Variants in ARHGAP15 observed in about 807,000 individuals in gnomAD.
ARHGAP15 encodes the protein rho GTPase-activating protein 15.
Under a neutral mutation model 63.7 loss-of-function variants are expected in ARHGAP15, and 51 were observed. The observed-to-expected ratio is 0.80, with a 90% CI of 0.64 to 1.01. The LOEUF is 1.01. Among genes scored for constraint, ARHGAP15 ranks in the 50% least tolerant of loss-of-function variants. The probability of loss-of-function intolerance (pLI) is 0.00; values close to 1 mark genes in which losing one functional copy is unlikely to be tolerated. For missense variants in ARHGAP15, 560 were observed against 564.6 expected (o/e 0.99, Z 0.08); for synonymous variants, 191 against 193.8 (o/e 0.99, Z 0.12).
At chr2:143,360,213 A>G (rs1448333234) in intron 6 of ARHGAP15, among the ~76,000 whole-genome samples, 1 of 142,764 alleles carries the variant, frequency 7.0e-6, no homozygotes, top group East Asian at 2.0e-4. Context: ...CATCTCTACA[A>G]GGAATTAAAA....
At chr2:143,455,387 C>T (rs1690600200) in intron 8 of ARHGAP15, among the ~76,000 whole-genome samples, 1 of 151,886 alleles carries the variant, frequency 6.6e-6, no homozygotes, top group South Asian at 2.1e-4. Flanking sequence ...GGCTTCTTTA[C>T]CACATCCTTT....
intron 3 of ARHGAP15, among the ~76,000 whole-genome samples, chr2:143,213,027 C>T (rs1227700187): frequency 6.6e-6 from 1 of 152,090 alleles, no homozygotes; most frequent in Non-Finnish European, 1.5e-5. Flanking sequence ...GCATGGTATC[C>T]CGTCCCCCCA....
intron 3 of ARHGAP15, among the ~76,000 whole-genome samples, chr2:143,208,755 A>G (rs1437844503): frequency 6.6e-6 from 1 of 152,158 alleles, no homozygotes; most frequent in Non-Finnish European, 1.5e-5. Context: ...TTTTCAGGGT[A>G]CTTTTTCTTT....
At chr2:143,332,323 C>T (rs1036109703) in intron 6 of ARHGAP15, among the ~76,000 whole-genome samples, 3 of 151,900 alleles carry the variant, frequency 2.0e-5, no homozygotes, top group African/African-American at 7.3e-5. Context: ...GGGGTCGTCT[C>T]GATGGTGAGA....
chr2:143,586,512 T>TA (rs1697114827), intron 11 of ARHGAP15, among the ~76,000 whole-genome samples: 1 of 152,108 alleles, frequency 6.6e-6, no homozygotes, highest in Non-Finnish European at 1.5e-5. Context: ...CTAGTTTGTA[T>TA]ACCATTCTGT....
At chr2:143,379,534 TG>T (rs1686972854) in intron 6 of ARHGAP15, among the ~76,000 whole-genome samples, 1 of 134,346 alleles carries the variant, frequency 7.4e-6, no homozygotes, top group Non-Finnish European at 1.6e-5. Flanking sequence ...TGTGTGTGTA[TG>T]AGAGAGAGAG....
Position 143,292,763 on chromosome 2 carries a change from C to A in ARHGAP15, c.474+42163C>A, listed in dbSNP as rs970210552. On this transcript the variant is annotated intron_variant, in intron 6 of 13. Transcript: ENST00000295095. The stretch of plus-strand genomic sequence containing the variant: ...ATTATTCATGTAAAATAATTTATGG[C>A]AGAGTTTTCTGTACTTGAAAATAAT... Among the ~76,000 whole-genome samples, 13 of 151,842 alleles carry A rather than the reference C, an allele frequency of 8.6e-5. No individual in the cohort carries two copies. The South Asian group carries it at 2.3e-3, about 27-fold the overall frequency.
intron 12 of ARHGAP15, among the ~76,000 whole-genome samples, chr2:143,687,550 A>T (rs1683406120): frequency 6.6e-6 from 1 of 152,172 alleles, no homozygotes; most frequent in South Asian, 2.1e-4. Flanking sequence ...CAATAACTTC[A>T]CCCAGGAGAA....
chr2:143,331,482 A>T (rs1467742181), intron 6 of ARHGAP15, among the ~76,000 whole-genome samples: 1 of 152,184 alleles, frequency 6.6e-6, no homozygotes, highest in Non-Finnish European at 1.5e-5. Context: ...TTGTTTTGTT[A>T]AAATCCAGCA....
chr2:143,211,459 G>A (rs906536328), intron 3 of ARHGAP15, among the ~76,000 whole-genome samples: 2 of 152,030 alleles, frequency 1.3e-5, no homozygotes, highest in Non-Finnish European at 1.5e-5. Context: ...CATTGAAACA[G>A]ACAAGATTAA....
intron 10 of ARHGAP15, among the ~76,000 whole-genome samples, chr2:143,539,800 C>G (rs999908375): frequency 4.6e-5 from 7 of 152,044 alleles, no homozygotes; most frequent in Non-Finnish European, 8.8e-5. Flanking sequence ...TTACTTCCAA[C>G]TATGTGGTCA....
At chr2:143,196,945 CTTCTA>C (rs1011921982) in intron 2 of ARHGAP15, among the ~76,000 whole-genome samples, 4 of 151,834 alleles carry the variant, frequency 2.6e-5, no homozygotes, top group African/African-American at 9.7e-5. Context: ...TAATATTATT[CTTCTA>C]TTCAAGTTTT....
intron 6 of ARHGAP15, among the ~76,000 whole-genome samples, chr2:143,341,532 C>T (rs1413803213): frequency 6.6e-6 from 1 of 152,084 alleles, no homozygotes; most frequent in African/African-American, 2.4e-5. Context: ...TTCCCCATGT[C>T]CTCTTCTTTC....
chr2:143,679,848 G>C (rs930096695), intron 12 of ARHGAP15, among the ~76,000 whole-genome samples: 1 of 151,952 alleles, frequency 6.6e-6, no homozygotes, highest in Non-Finnish European at 1.5e-5. Context: ...GTATCAGGGA[G>C]AGATCTCAGG....
intron 6 of ARHGAP15, among the ~76,000 whole-genome samples, chr2:143,278,868 C>CTTTTTTTTTT (rs965265275): frequency 1.5e-5 from 2 of 135,336 alleles, no homozygotes; most frequent in Non-Finnish European, 3.2e-5. Context: ...TTCTTTCTTT[C>CTTTTTTTTTT]TTTTTTTTTT....
intron 6 of ARHGAP15, among the ~76,000 whole-genome samples, chr2:143,423,273 T>C (rs1689005528): frequency 6.6e-6 from 1 of 152,168 alleles, no homozygotes; most frequent in African/African-American, 2.4e-5. Context: ...CACTGTGGAA[T>C]AGCTCACTAA....
At chr2:143,400,433 G>T (rs2104994525) in intron 6 of ARHGAP15, among the ~76,000 whole-genome samples, 1 of 152,050 alleles carries the variant, frequency 6.6e-6, no homozygotes, top group Non-Finnish European at 1.5e-5. Flanking sequence ...CTGAGACCCT[G>T]TATCTTTTCA....
intron 6 of ARHGAP15, among the ~76,000 whole-genome samples, chr2:143,359,617 C>T (rs1685954880): frequency 1.3e-5 from 2 of 152,058 alleles, no homozygotes; most frequent in South Asian, 4.1e-4. Flanking sequence ...CTCTGCCTCA[C>T]CCAAAAATTC....
At chr2:143,685,642 A>G (rs1053093733) in intron 12 of ARHGAP15, among the ~76,000 whole-genome samples, 1 of 152,204 alleles carries the variant, frequency 6.6e-6, no homozygotes, top group Non-Finnish European at 1.5e-5. Flanking sequence ...CTGTGTTAGC[A>G]GGGTTCGCAA....
Sources: allele counts gnomAD v4.1 joint callset (sites outside exome capture counted in the v4.1 genomes callset), GRCh38; gene constraint gnomAD v4.1.1; transcripts MANE v1.5; gene names NCBI Gene and HGNC (gene_info 2026-07-23, HGNC 2026-07-21).